The following PPM1B variants were observed in gnomAD, a reference collection of about 807,000 sequenced individuals.
PPM1B encodes the protein protein phosphatase 1B.
In PPM1B, 22 loss-of-function variants were observed where a neutral mutation model predicts 43.0. The ratio of observed to expected loss-of-function variants is 0.51; its 90% CI spans 0.37 to 0.73. The LOEUF is 0.73. Ranked by LOEUF, PPM1B falls within the 30% of genes least tolerant of loss-of-function variation. The probability of loss-of-function intolerance (pLI) is 0.00; values close to 1 mark genes in which losing one functional copy is unlikely to be tolerated. For missense variants in PPM1B, 632 were observed against 584.2 expected (o/e 1.08, Z -0.84); for synonymous variants, 217 against 197.9 (o/e 1.10, Z -0.81).
intron 3 of PPM1B, among the ~76,000 whole-genome samples, chr2:44,216,264 T>C (rs1669713199): frequency 6.6e-6 from 1 of 152,140 alleles, no homozygotes. Context: ...TCTGGTGACA[T>C]TTTTGGTGTC....
chr2:44,205,354 GGTGT>G (rs3074507), intron 2 of PPM1B, among the ~76,000 whole-genome samples: 224 of 91,816 alleles, frequency 2.4e-3, no homozygotes, highest in Non-Finnish European at 3.9e-3. Context: ...TGTGGGTGTG[GGTGT>G]GTGTGTGTGT....
chr2:44,212,482 A>C (rs1288458986), intron 3 of PPM1B, among the ~76,000 whole-genome samples: 2 of 152,210 alleles, frequency 1.3e-5, no homozygotes, highest in Non-Finnish European at 2.9e-5. Flanking sequence ...CCACTCCCTG[A>C]AAGATTTGTT....
At position 44,204,814 on chromosome 2, in the gene PPM1B, ACGC is replaced by A. The variant is rs1481980995; in HGVS notation, c.846+2771_846+2773del. On this transcript the variant is annotated intron_variant, in intron 2 of 5. Transcript: ENST00000282412. The stretch of plus-strand genomic sequence containing the variant: ...GCAGAGCTTGCAGTGAGCCGAGATC[ACGC>A]CACTGCACTCCAGTCTGGGTGACAG... Among the ~76,000 whole-genome samples, 4 of 142,116 alleles carry A rather than the reference ACGC, an allele frequency of 2.8e-5. No individual in the cohort carries two copies. In the East Asian group the frequency reaches 8.5e-4, roughly 30 times the overall value. The allele number at this position is 142,116 out of a possible 152,430, so 93.2% of individuals were successfully genotyped here.
At chr2:44,178,329 T>C (rs927720440) in intron 1 of PPM1B, among the ~76,000 whole-genome samples, 2 of 151,884 alleles carry the variant, frequency 1.3e-5, no homozygotes, top group Non-Finnish European at 2.9e-5. Context: ...AGAATTTCTC[T>C]AGGGAGTAAA....
At chr2:44,207,518 G>A (rs1238851773) in intron 2 of PPM1B, among the ~76,000 whole-genome samples, 1 of 151,922 alleles carries the variant, frequency 6.6e-6, no homozygotes, top group Non-Finnish European at 1.5e-5. Flanking sequence ...AAAAAGTAAT[G>A]AGAACGTATT....
At chr2:44,237,324 C>T (rs1670647164), downstream of PPM1B, among the ~76,000 whole-genome samples, 2 of 152,168 alleles carry the variant, frequency 1.3e-5, no homozygotes, top group East Asian at 3.8e-4. Context: ...ATAGGTGTAG[C>T]TACTAATAGA....
At chr2:44,178,157 T>C (rs554757520) in intron 1 of PPM1B, among the ~76,000 whole-genome samples, 2 of 152,084 alleles carry the variant, frequency 1.3e-5, no homozygotes, top group Non-Finnish European at 2.9e-5. Context: ...TGAGCTCAAG[T>C]GATCCACCTC....
chr2:44,196,418 T>G (rs1042367875), intron 1 of PPM1B, among the ~76,000 whole-genome samples: 1 of 152,332 alleles, frequency 6.6e-6, no homozygotes, highest in Middle Eastern at 3.4e-3. Context: ...AGTGCCTTTC[T>G]CATTAGATTA....
chr2:44,229,856 T>C, intron 5 of PPM1B: 1 of 824,772 alleles, frequency 1.2e-6, no homozygotes, highest in South Asian at 2.1e-5. Context: ...AATACTTAAT[T>C]TATTTTTATC....
At chr2:44,216,902 C>CAAA (rs34344485) in intron 3 of PPM1B, among the ~76,000 whole-genome samples, 21 of 140,098 alleles carry the variant, frequency 1.5e-4, no homozygotes, top group South Asian at 4.5e-4. Flanking sequence ...TCCAGTGTCT[C>CAAA]AAAAAAAAAA....
intron 5 of PPM1B, among the ~76,000 whole-genome samples, chr2:44,227,972 A>G (rs1572756248): frequency 8.3e-6 from 1 of 120,684 alleles, no homozygotes. Context: ...CCCAGGCTGG[A>G]GTGCAGTGGT....
rs1305078659 is a variant in PPM1B, at chr2:44,195,115, A to T, written c.-14-6071A>T. 4.1e-5 allele frequency among the ~76,000 whole-genome samples: 6 copies of T among 148,134 alleles called. No homozygotes were observed. In the East Asian group the frequency reaches 8.0e-4, roughly 20 times the overall value. ...ACCATATTGGCCAGGCTGATCTCAA[A>T]CTCCTGACCTCAGGTGATCTGCCCG... On this transcript the variant is annotated intron_variant, in intron 1 of 5. Coordinates refer to ENST00000282412, the MANE Select transcript of PPM1B (RefSeq NM_002706.6).
intron 3 of PPM1B, 161 bp from the exon 4 acceptor site, chr2:44,217,806 G>A (rs1669791686): frequency 4.7e-6 from 2 of 429,392 alleles, no homozygotes; most frequent in Non-Finnish European, 8.4e-6. Flanking sequence ...CAGTCAATAA[G>A]TAGCTTTTTG....
At chr2:44,212,963 A>G (rs1669548506) in intron 3 of PPM1B, among the ~76,000 whole-genome samples, 1 of 151,310 alleles carries the variant, frequency 6.6e-6, no homozygotes, top group South Asian at 2.1e-4. Flanking sequence ...CAGTGAGCCA[A>G]GATCCTGCCA....
chr2:44,229,788 G>T (rs1670388629), intron 5 of PPM1B, among the ~76,000 whole-genome samples: 1 of 152,076 alleles, frequency 6.6e-6, no homozygotes, highest in African/African-American at 2.4e-5. Flanking sequence ...GAAACCTGTA[G>T]ATTTTCCAAA....
At chr2:44,195,205 C>CT (rs571222223) in intron 1 of PPM1B, among the ~76,000 whole-genome samples, 30,273 of 140,346 alleles carry the variant, frequency 0.22, 3,273 homozygotes, top group African/African-American at 0.26. Context: ...TTCTTTCTTT[C>CT]TTTTTTTTTT....
chr2:44,204,853 C>A (rs1373749871), intron 2 of PPM1B, among the ~76,000 whole-genome samples: 4 of 110,174 alleles, frequency 3.6e-5, no homozygotes, highest in African/African-American at 1.2e-4. Flanking sequence ...AGCGAGACTC[C>A]GTCTCAAAAA....
chr2:44,186,162 G>GT (rs1668107852), intron 1 of PPM1B, among the ~76,000 whole-genome samples: 1 of 152,084 alleles, frequency 6.6e-6, no homozygotes, highest in Non-Finnish European at 1.5e-5. Flanking sequence ...ACTTAAGCTG[G>GT]TTATTAGATT....
chr2:44,237,317 G>A (rs951585640), downstream of PPM1B, among the ~76,000 whole-genome samples: 1 of 152,160 alleles, frequency 6.6e-6, no homozygotes, highest in Non-Finnish European at 1.5e-5. Flanking sequence ...GAAGTAAATA[G>A]GTGTAGCTAC....
Sources: allele counts gnomAD v4.1 joint callset (sites outside exome capture counted in the v4.1 genomes callset), GRCh38; gene constraint gnomAD v4.1.1; transcripts MANE v1.5; gene names NCBI Gene and HGNC (gene_info 2026-07-23, HGNC 2026-07-21).